PIAS3: variants seen among roughly 807,000 people sequenced by gnomAD.
PIAS3 encodes protein inhibitor of activated STAT 3.
Under a neutral mutation model 67.6 loss-of-function variants are expected in PIAS3, and 34 were observed. That is an observed-to-expected ratio of 0.50 (90% CI 0.38 to 0.67). The LOEUF (loss-of-function observed/expected upper bound fraction) is 0.67. Ranked by LOEUF, PIAS3 falls within the 30% of genes least tolerant of loss-of-function variation. PIAS3 has a pLI of 0.00. For missense variants in PIAS3, 693 were observed against 791.6 expected (o/e 0.88, Z 1.49); for synonymous variants, 341 against 313.8 (o/e 1.09, Z -0.92).
chr1:145,853,998 CTT>C (rs1653063054), intron 7 of PIAS3, 112 bp from the exon 8 acceptor site: 1 of 830,810 alleles, frequency 1.2e-6, no homozygotes, highest in South Asian at 1.5e-5. Context: ...GGTGGAGCGT[CTT>C]TGGGGGCCAG....
Position 145,854,451 on chromosome 1 carries a change from TACTC to T in PIAS3, c.910+3_910+6del, listed in dbSNP as rs1553735076. 2 of 1,587,104 alleles carry T rather than the reference TACTC, an allele frequency of 1.3e-6. No homozygotes were observed. The highest frequency in any genetic ancestry group is 1.7e-5 in the Admixed American group (1 of 59,940). ...CAGGTGGGGAAGAGAGGAAAGATGT[TACTC>T]ACTCAGTGCCCGCGAGTGGTCTGGG... On this transcript the variant is annotated splice_donor_5th_base_variant and intron_variant, in intron 7 of 13. Coordinates refer to ENST00000393045, the MANE Select transcript of PIAS3 (RefSeq NM_006099.3).
intron 9 of PIAS3, 94 bp downstream of exon 9, chr1:145,853,410 A>T: frequency 3.4e-6 from 1 of 296,708 alleles, no homozygotes; most frequent in Non-Finnish European, 5.3e-6. Context: ...ATTCCATCTC[A>T]AAAAAAAAAA....
intron 1 of PIAS3, 129 bp downstream of exon 1, chr1:145,858,838 T>C (rs1653302858): frequency 3.5e-6 from 2 of 572,828 alleles, no homozygotes. Context: ...TTCTCTCCCA[T>C]CCTCAGCAGC....
intron 1 of PIAS3, 44 bp downstream of exon 1, chr1:145,858,923 C>T: frequency 2.7e-6 from 4 of 1,470,342 alleles, no homozygotes; most frequent in Non-Finnish European, 3.6e-6. Flanking sequence ...CACGGCGTAC[C>T]GCCGGGCTGA....
intron 9 of PIAS3, 42 bp from the exon 10 acceptor site, chr1:145,851,195 G>A (rs1553734285): frequency 6.2e-7 from 1 of 1,603,968 alleles, no homozygotes; most frequent in Non-Finnish European, 8.5e-7. Context: ...GCTGGGAGAT[G>A]AGCAGAACAG....
At chr1:145,858,204 G>A (rs1653270943) in intron 1 of PIAS3, among the ~76,000 whole-genome samples, 3 of 152,116 alleles carry the variant, frequency 2.0e-5, no homozygotes, top group African/African-American at 7.2e-5. Context: ...CTTCTCATAG[G>A]AGGCTTTGTC....
chr1:145,859,031 G>A lies in PIAS3; in HGVS notation c.-41C>T. On this transcript the variant is annotated 5_prime_UTR_variant, in exon 1 of 14. Transcript: ENST00000393045. The stretch of plus-strand genomic sequence containing the variant: ...GCGCCCCAGCCGGAGCCGGAGCTCA[G>A]GCCCAGGGACCGGCGCACAACTCTC... The A allele has an allele frequency of 1.9e-6, 3 of 1,539,692 alleles. No homozygotes were observed. The highest frequency in any genetic ancestry group is 2.6e-6 in the Non-Finnish European group (3 of 1,143,368).
intron 13 of PIAS3, 124 bp downstream of exon 13, chr1:145,850,108 C>T: frequency 6.5e-7 from 1 of 1,548,672 alleles, no homozygotes; most frequent in Non-Finnish European, 8.7e-7. Context: ...GATACCTACA[C>T]CCCACTGCCC....
intron 13 of PIAS3, 192 bp downstream of exon 13, chr1:145,850,040 A>G (rs1553733774): frequency 1.4e-6 from 2 of 1,447,952 alleles, no homozygotes; most frequent in Middle Eastern, 2.5e-4. Flanking sequence ...CAGGGGATCT[A>G]GGAAGGAGGC....
chr1:145,858,867 C>G lies in PIAS3; in HGVS notation c.24+100G>C, dbSNP rs1314207919. 1.6e-5 allele frequency: 18 copies of G among 1,120,124 alleles called. No homozygotes were observed. The African/African-American group carries it at 2.7e-4, about 17-fold the overall frequency. The allele number at this position is 1,120,124 out of a possible 1,614,324, so 69.4% of individuals were successfully genotyped here. On this transcript the variant is annotated intron_variant, in intron 1 of 13. Coordinates refer to ENST00000393045, the MANE Select transcript of PIAS3 (RefSeq NM_006099.3). The stretch of plus-strand genomic sequence containing the variant: ...CAGCAGCTCGTGCCTGCCACGTCGT[C>G]GGCGCCCACCCGAGCCCCGGCACCC...
At chr1:145,851,959 CAAAAAAA>C (rs782076715) in intron 9 of PIAS3, among the ~76,000 whole-genome samples, 1 of 58,742 alleles carries the variant, frequency 1.7e-5, no homozygotes, top group South Asian at 5.7e-4. Flanking sequence ...AACACCGTCT[CAAAAAAA>C]AAAAAAAAAA....
In PIAS3 at chr1:145,849,917, T is replaced by C; in HGVS notation, c.1621-205A>G. The C allele has an allele frequency of 3.5e-6, 5 of 1,433,992 alleles. No homozygotes were observed. The South Asian group carries it at 6.3e-5, about 18-fold the overall frequency. 88.8% of individuals were successfully genotyped at this position (1,433,992 alleles called of 1,614,324 possible). A position where few individuals can be genotyped will look rare whatever the true frequency, so the allele number is the denominator to read the frequency against. ...GCCTTGAGAGAGCTCCTCCAACTTGTTAGGTTCTTGGCTTTGTGGGCGTCT... is the reference window on the plus strand; with the variant it reads ...GCCTTGAGAGAGCTCCTCCAACTTGCTAGGTTCTTGGCTTTGTGGGCGTCT... On this transcript the variant is annotated intron_variant, in intron 13 of 13. Coordinates refer to ENST00000393045, the MANE Select transcript of PIAS3 (RefSeq NM_006099.3).
intron 1 of PIAS3, 66 bp downstream of exon 1, chr1:145,858,888 CACCCAGTCTCGGT>C: frequency 1.4e-5 from 18 of 1,327,804 alleles, no homozygotes; most frequent in Non-Finnish European, 1.8e-5. Flanking sequence ...CGAGCCCCGG[CACCCAGTCTCGGT>C]CGCTTCCCGG....
chr1:145,854,550 G>C lies in PIAS3; in HGVS notation c.818C>G (p.Ser273Cys). The C allele has an allele frequency of 6.2e-7, 1 of 1,613,508 alleles. No individual in the cohort carries two copies. The highest frequency in any genetic ancestry group is 1.3e-5 in the African/African-American group (1 of 75,022). ...SSEFGRNYSL[S>C]VYLVRQLTAG... Reference sequence around the variant, plus strand: ...AGTCAACTGCCTCACCAGGTACACAGACAAGGAGTAATTCTACTTGGAGGC... The same window carrying C: ...AGTCAACTGCCTCACCAGGTACACACACAAGGAGTAATTCTACTTGGAGGC... Residue 273 changes from serine (S) to cysteine (C), a missense_variant, in exon 7 of 14, where the codon TCT becomes TGT. Ser to Cys is a moderately radical substitution (Grantham distance 112). Around this residue, in one of 3 missense-constraint regions of PIAS3, gnomAD observed 308 missense variants for 348.8 expected, o/e 0.88. Transcript: ENST00000393045.
Position 145,850,813 on chromosome 1 carries a change from G to C in PIAS3, c.1406C>G (p.Ser469Cys), listed in dbSNP as rs1007227142. Residue 469 changes from serine (S) to cysteine (C), a missense_variant, in exon 11 of 14, where the codon TCT (serine) becomes TGT (cysteine). Ser to Cys is a moderately radical substitution (Grantham distance 112). Around this residue, in one of 3 missense-constraint regions of PIAS3, gnomAD observed 270 missense variants for 261.0 expected, o/e 1.03. Coordinates refer to ENST00000393045, the MANE Select transcript of PIAS3 (RefSeq NM_006099.3). ...EDLPPTKKHC[S>C]VTSAAIPALP... ...GGCCGGGATGGCAGCTGAGGTGACAGAACAGTGCTTCTTGGTAGGGGGCAG... is the reference window on the plus strand; with the variant it reads ...GGCCGGGATGGCAGCTGAGGTGACACAACAGTGCTTCTTGGTAGGGGGCAG... 2 of 1,614,270 alleles carry C rather than the reference G, an allele frequency of 1.2e-6. No homozygotes were observed. The highest frequency in any genetic ancestry group is 1.7e-6 in the Non-Finnish European group (2 of 1,180,046).
Position 145,849,350 on chromosome 1 carries a change from C to T in PIAS3, c.*96G>A. The T allele has an allele frequency of 7.6e-7, 1 of 1,314,416 alleles. No homozygotes were observed. Among genetic ancestry groups the T allele is most frequent in the South Asian group, 2.1e-5 (1 of 48,492 alleles). The allele number at this position is 1,314,416 out of a possible 1,614,324, so 81.4% of individuals were successfully genotyped here. A position where few individuals can be genotyped will look rare whatever the true frequency, so the allele number is the denominator to read the frequency against. On this transcript the variant is annotated 3_prime_UTR_variant, in exon 14 of 14. Coordinates refer to ENST00000393045, the MANE Select transcript of PIAS3 (RefSeq NM_006099.3). ...TGTGAAGGTCTGTCTGGCCCTTGGC[C>T]AGAGCCCCCAGAGGGATCAGAGTAG...
chr1:145,856,622 C>T lies in PIAS3; in HGVS notation c.409G>A (p.Val137Ile). Residue 137 changes from valine to isoleucine, a missense_variant, in exon 2 of 14, where the codon GTC becomes ATC. Around this residue, in one of 3 missense-constraint regions of PIAS3, gnomAD observed 308 missense variants for 348.8 expected, o/e 0.88. Transcript: ENST00000393045. ...VTMKPLPFYE[V>I]YGELIRPTTL... ...GTGGGCCGGATGAGCTCCCCATAGA[C>T]TTCATAGAAGGGCAATGGTTTCATG... 1.9e-6 allele frequency: 3 copies of T among 1,572,622 alleles called. No homozygotes were observed. The highest frequency in any genetic ancestry group is 2.4e-5 in the South Asian group (2 of 84,248).
rs200888699 is a variant in PIAS3 at position 145,849,441 on chromosome 1, G to C, written c.*5C>G. 1.3e-6 allele frequency: 2 copies of C among 1,486,668 alleles called. No individual in the cohort carries two copies. The highest frequency in any genetic ancestry group is 4.9e-5 in the Admixed American group (2 of 41,208). 92.1% of individuals were successfully genotyped at this position (1,486,668 alleles called of 1,614,324 possible). Reference sequence around the variant, plus strand: ...GGACAGCGAAGTTTCCATAATCCAGGGAACTCAGTCCAGGGAAATGATGTC... The same window carrying C: ...GGACAGCGAAGTTTCCATAATCCAGCGAACTCAGTCCAGGGAAATGATGTC... On this transcript the variant is annotated 3_prime_UTR_variant, in exon 14 of 14. Coordinates refer to ENST00000393045, the MANE Select transcript of PIAS3 (RefSeq NM_006099.3).
Position 145,849,487 on chromosome 1 carries a change from AG to A in PIAS3, c.1845del (p.Ser616LeufsTer2). Reference protein sequence around the residue: ...EGHGGPLPSGPSLTGCRSDII... With the variant: ...EGHGGPLPSGXSLTGCRSDII... ...ATGTCTGACCGACAGCCAGTCAAAG[AG>A]GGACCTGAGGGCAGGGGTCCTCCAT... On this transcript the variant is annotated frameshift_variant, in exon 14 of 14. Transcript: ENST00000393045. LOFTEE classifies it high-confidence loss of function. 3.3e-6 allele frequency: 5 copies of A among 1,523,502 alleles called. No individual in the cohort carries two copies. The highest frequency in any genetic ancestry group is 4.4e-6 in the Non-Finnish European group (5 of 1,140,254). The allele number at this position is 1,523,502 out of a possible 1,614,324, so 94.4% of individuals were successfully genotyped here.
Sources: allele counts gnomAD v4.1 joint callset (sites outside exome capture counted in the v4.1 genomes callset), GRCh38; gene constraint gnomAD v4.1.1; regional missense constraint gnomAD v4.1.1; transcripts MANE v1.5; gene names NCBI Gene and HGNC (gene_info 2026-07-23, HGNC 2026-07-21).